Variants in GNL3L observed in about 807,000 individuals in gnomAD.
The protein encoded by GNL3L is guanine nucleotide-binding protein-like 3-like protein.
In GNL3L, 4 loss-of-function variants were observed where a neutral mutation model predicts 42.9. The ratio of observed to expected loss-of-function variants is 0.09; its 90% confidence interval spans 0.05 to 0.21. The LOEUF is 0.21. GNL3L is among the 10% of genes least tolerant of loss of function. The pLI is 1.00. For synonymous variants in GNL3L, 159 were observed against 176.3 expected, an observed-to-expected ratio of 0.90 and a Z score of 0.78; for missense variants, 412 against 481.7, an observed-to-expected ratio of 0.86 and a Z score of 1.36.
intron 16 of GNL3L, among the ~76,000 whole-genome samples, chrX:54,593,370 G>A (rs957176538): frequency 2.7e-5 from 3 of 111,289 alleles, no homozygotes; most frequent in South Asian, 3.8e-4. Context: ...ATGTGTCTAT[G>A]AAGTAATAAT....
intron 16 of GNL3L, among the ~76,000 whole-genome samples, chrX:54,579,726 T>A (rs1569542408): frequency 9.0e-6 from 1 of 111,580 alleles, no homozygotes; most frequent in African/African-American, 3.3e-5. Flanking sequence ...TTAAAGATTT[T>A]TCTCTTAAAA....
chrX:54,632,353 C>T, the GNL3L span, among the ~76,000 whole-genome samples: 1 of 111,040 alleles, frequency 9.0e-6, no homozygotes, highest in Non-Finnish European at 1.9e-5. Flanking sequence ...TTAATTATTC[C>T]CCGAAATAAG....
intron 16 of GNL3L, among the ~76,000 whole-genome samples, chrX:54,583,586 A>G (rs1389981669): frequency 9.0e-6 from 1 of 110,748 alleles, no homozygotes; most frequent in Non-Finnish European, 1.9e-5. Flanking sequence ...TTTTTTCTAT[A>G]TGTTTTATGA....
At chrX:54,577,835 A>G (rs55827375) in intron 16 of GNL3L, among the ~76,000 whole-genome samples, 1,626 of 109,887 alleles carry the variant, frequency 0.015, 31 homozygotes, top group African/African-American at 0.051. Context: ...CGAATTCCCC[A>G]GGCTCAGGTG....
At chrX:54,632,151 A>G in the GNL3L span, among the ~76,000 whole-genome samples, 4 of 111,690 alleles carry the variant, frequency 3.6e-5, no homozygotes, top group Admixed American at 3.8e-4. Flanking sequence ...TGTTAATCTG[A>G]TAGGTTTTCC....
the GNL3L span, among the ~76,000 whole-genome samples, chrX:54,627,713 A>T: frequency 1.4e-4 from 16 of 111,446 alleles, no homozygotes; most frequent in Non-Finnish European, 1.1e-4. Flanking sequence ...TTCTATTTTC[A>T]TTTGTTTCAA....
intron 14 of GNL3L, among the ~76,000 whole-genome samples, chrX:54,555,497 A>C (rs905160438): frequency 9.9e-6 from 1 of 100,678 alleles, no homozygotes; most frequent in Non-Finnish European, 2.1e-5. Context: ...TTGAGATGGA[A>C]ACTCGCTCTG....
chrX:54,579,997 T>G (rs1186214326), intron 16 of GNL3L, among the ~76,000 whole-genome samples: 1 of 103,065 alleles, frequency 9.7e-6, no homozygotes, highest in Non-Finnish European at 2.0e-5. Context: ...TTTTTTTTTT[T>G]TTTTTTTTTT....
chrX:54,557,483 G>A (rs187583975), intron 14 of GNL3L, among the ~76,000 whole-genome samples: 127 of 110,070 alleles, frequency 1.2e-3, no homozygotes, highest in African/African-American at 3.7e-3. Context: ...TGCCCAGGCC[G>A]GAGTGCAGTG....
chrX:54,552,410 A>G lies in GNL3L; in HGVS notation c.1300A>G (p.Asn434Asp), dbSNP rs148924583. 3.1e-5 allele frequency: 38 copies of G among 1,209,145 alleles called. No individual in the cohort carries two copies. The African/African-American group carries it at 5.4e-4, about 17-fold the overall frequency. The change falls in exon 13 of 16, where the codon AAT becomes GAT. Residue 434 changes from asparagine (N) to aspartate (D), a missense_variant. Transcript: ENST00000360845. ...TGACATCGAGGATACTGAGCAGGCC[A>G]ATGAAGACACCATGGAATGTAAGTG... ...VFDIEDTEQANEDTMECLATG... is the reference protein window; with the variant it reads ...VFDIEDTEQADEDTMECLATG...
chrX:54,541,216 C>A, intron 4 of GNL3L, 57 bp from the exon 5 acceptor site: 1 of 801,768 alleles, frequency 1.2e-6, no homozygotes, highest in Non-Finnish European at 1.9e-6. Flanking sequence ...GTCACCCATC[C>A]CTCCCTTAGG....
Position 54,564,825 on chromosome X carries a change from C to A in GNL3L, c.*4223C>A, listed in dbSNP as rs1189582732. Among the ~76,000 whole-genome samples the A allele has an allele frequency of 9.6e-6, 1 of 104,265 alleles. No homozygotes were observed. Among genetic ancestry groups the A allele is most frequent in the Non-Finnish European group, 2.0e-5 (1 of 51,124 alleles). 90.5% of individuals were successfully genotyped at this position (104,265 alleles called of 115,157 possible). On this transcript the variant is annotated 3_prime_UTR_variant, in exon 16 of 16. Transcript: ENST00000360845. ...CTTGGCTCACTGCAACCTCCACCTCCTGGGTTCAAGCGATTCTCCTGCCTT... is the reference window on the plus strand; with the variant it reads ...CTTGGCTCACTGCAACCTCCACCTCATGGGTTCAAGCGATTCTCCTGCCTT...
intron 16 of GNL3L, among the ~76,000 whole-genome samples, chrX:54,584,469 T>C (rs922995572): frequency 8.9e-6 from 1 of 112,402 alleles, no homozygotes; most frequent in Non-Finnish European, 1.9e-5. Context: ...CAAGCATTTA[T>C]CATTTATTTG....
intron 16 of GNL3L, among the ~76,000 whole-genome samples, chrX:54,573,752 A>G (rs1925594303): frequency 9.0e-6 from 1 of 111,130 alleles, no homozygotes; most frequent in Non-Finnish European, 1.9e-5. Context: ...CATACGGAAT[A>G]TAGATAACAA....
At chrX:54,557,946 C>T (rs1221735073) in intron 14 of GNL3L, among the ~76,000 whole-genome samples, 1 of 109,548 alleles carries the variant, frequency 9.1e-6, no homozygotes, top group African/African-American at 3.3e-5. Context: ...TGCAGTGGTG[C>T]GATCTCGGCT....
chrX:54,613,298 T>C (rs1926183312), intron 16 of GNL3L, among the ~76,000 whole-genome samples: 1 of 112,034 alleles, frequency 8.9e-6, no homozygotes. Context: ...GTTTTGTGTT[T>C]AAGCTATCTA....
Position 54,617,832 on chromosome X carries a change from A to T in GNL3L, c.*46-3013A>T, listed in dbSNP as rs186307594. ...GTCAGCAGTTGGATCTTGGACTTCT[A>T]CACCTTCGGACCTGTAAGAAATACG... On this transcript the variant is annotated intron_variant, in intron 16 of 16. Transcript: ENST00000674498. Among the ~76,000 whole-genome samples, 296 of 111,361 alleles carry T rather than the reference A, an allele frequency of 2.7e-3. 2 individuals carry two copies. The highest frequency in any genetic ancestry group is 9.1e-3 in the African/African-American group (278 of 30,669).
At chrX:54,535,929 A>ATT (rs1156467112) in intron 2 of GNL3L, among the ~76,000 whole-genome samples, 2 of 94,540 alleles carry the variant, frequency 2.1e-5, no homozygotes, top group African/African-American at 4.2e-5. Flanking sequence ...CACCTGGCTA[A>ATT]TTTTTTTTTT....
At chrX:54,588,749 C>T (rs967833739) in intron 16 of GNL3L, among the ~76,000 whole-genome samples, 1 of 111,083 alleles carries the variant, frequency 9.0e-6, no homozygotes, top group Non-Finnish European at 1.9e-5. Flanking sequence ...CATTTGAACC[C>T]GGAAGGTGGA....
Sources: gnomAD v4.1 joint callset for allele counts (sites outside exome capture counted in the v4.1 genomes callset) on GRCh38, gnomAD v4.1.1 for gene constraint, MANE v1.5 for transcripts, NCBI Gene and HGNC (gene_info 2026-07-23, HGNC 2026-07-21) for gene names.